Variants in METAP2 observed in about 807,000 individuals in gnomAD.
METAP2 encodes the protein methionine aminopeptidase 2.
METAP2 carries 25 observed loss-of-function variants against 59.4 expected under a neutral mutation model. That is an observed-to-expected ratio of 0.42 (90% confidence interval 0.31 to 0.59). METAP2 has a LOEUF of 0.59. Ranked by LOEUF, METAP2 falls within the 20% of genes least tolerant of loss-of-function variation. METAP2 has a pLI of 0.16. For missense variants in METAP2, 366 were observed against 581.2 expected (o/e 0.63, Z 3.81); for synonymous variants, 214 against 194.1 (o/e 1.10, Z -0.85).
At chr12:95,491,717 G>A (rs1380633131) in intron 4 of METAP2, among the ~76,000 whole-genome samples, 1 of 151,960 alleles carries the variant, frequency 6.6e-6, no homozygotes, top group Non-Finnish European at 1.5e-5. Context: ...TTTCTATGTT[G>A]CCCAGGCTGG....
At chr12:95,482,217 C>T in intron 2 of METAP2, 1 of 445,774 alleles carries the variant, frequency 2.2e-6, no homozygotes, top group Non-Finnish European at 4.5e-6. Flanking sequence ...TCAGGTGATC[C>T]TCCCACATCT....
intron 7 of METAP2, among the ~76,000 whole-genome samples, chr12:95,503,278 T>G (rs2076330398): frequency 6.6e-6 from 1 of 152,194 alleles, no homozygotes; most frequent in Admixed American, 6.5e-5. Flanking sequence ...CCACCTGAGG[T>G]GTGAACTTCA....
chr12:95,502,377 G>A (rs1342102165), intron 7 of METAP2, among the ~76,000 whole-genome samples: 1 of 152,054 alleles, frequency 6.6e-6, no homozygotes, highest in Admixed American at 6.6e-5. Context: ...TTTTCTTTTA[G>A]TTAGCACTTT....
intron 8 of METAP2, among the ~76,000 whole-genome samples, chr12:95,511,105 T>C (rs1320552100): frequency 6.6e-6 from 1 of 152,198 alleles, no homozygotes; most frequent in African/African-American, 2.4e-5. Flanking sequence ...ATTTTCTTTC[T>C]TCTTTCTTAC....
At chr12:95,481,065 T>A (rs2769471) in intron 2 of METAP2, among the ~76,000 whole-genome samples, 16,408 of 152,196 alleles carry the variant, frequency 0.11, 926 homozygotes, top group African/African-American at 0.12. Context: ...CTCTTTTTTT[T>A]AAAATATGAT....
chr12:95,490,442 C>A (rs551269192), intron 4 of METAP2, among the ~76,000 whole-genome samples: 2 of 151,478 alleles, frequency 1.3e-5, no homozygotes, highest in East Asian at 3.9e-4. Context: ...AAAGTATTAG[C>A]CAGTTTCTCA....
At chr12:95,476,359 A>AAAT (rs2076118533) in intron 2 of METAP2, among the ~76,000 whole-genome samples, 181 bp downstream of exon 2, 1 of 151,990 alleles carries the variant, frequency 6.6e-6, no homozygotes, top group African/African-American at 2.4e-5. Context: ...AGACAAAAAA[A>AAAT]AATTTAGCCG....
intron 4 of METAP2, among the ~76,000 whole-genome samples, chr12:95,491,548 T>C (rs182462340): frequency 1.3e-5 from 2 of 152,358 alleles, no homozygotes; most frequent in Admixed American, 1.3e-4. Context: ...CCTCATTCTG[T>C]CGCCCAGGCT....
chr12:95,474,155 A>T lies in METAP2; in HGVS notation c.-25A>T, dbSNP rs1242794274. The T allele has an allele frequency of 1.9e-6, 3 of 1,611,996 alleles. No individual in the cohort carries two copies. In the African/African-American group the frequency reaches 4.0e-5, roughly 22 times the overall value. ...ATCGGGGCCCTCGCCGCTCTGTCTC[A>T]TTCCCTCGCGCTCTCTCGGGCAACA... On this transcript the variant is annotated 5_prime_UTR_variant, in exon 1 of 11. Transcript: ENST00000323666.
At chr12:95,507,996 G>T (rs112835860) in intron 8 of METAP2, among the ~76,000 whole-genome samples, 2 of 149,052 alleles carry the variant, frequency 1.3e-5, no homozygotes, top group Non-Finnish European at 3.0e-5. Flanking sequence ...TTGGTCAGGC[G>T]GTCTTGAACT....
intron 7 of METAP2, among the ~76,000 whole-genome samples, chr12:95,502,812 C>CT (rs34804429): frequency 0.095 from 14,330 of 151,632 alleles, 713 homozygotes; most frequent in East Asian, 0.2. Flanking sequence ...TTTGCTGGTT[C>CT]TTTTTTTTGC....
chr12:95,498,484 G>A (rs1439061263), intron 7 of METAP2, among the ~76,000 whole-genome samples: 4 of 152,124 alleles, frequency 2.6e-5, no homozygotes, highest in African/African-American at 9.7e-5. Flanking sequence ...TGCCTTTGGT[G>A]TCATATCCAG....
At chr12:95,510,632 GAT>G (rs2076395537) in intron 8 of METAP2, among the ~76,000 whole-genome samples, 1 of 152,142 alleles carries the variant, frequency 6.6e-6, no homozygotes, top group African/African-American at 2.4e-5. Context: ...ACCTTTGGGG[GAT>G]ACATTCAAAC....
intron 4 of METAP2, among the ~76,000 whole-genome samples, chr12:95,491,736 T>A (rs1267304164): frequency 6.6e-6 from 1 of 152,028 alleles, no homozygotes; most frequent in Non-Finnish European, 1.5e-5. Flanking sequence ...GGTCTCGAAC[T>A]CCTGAACTCA....
intron 4 of METAP2, among the ~76,000 whole-genome samples, chr12:95,486,911 G>A (rs562161425): frequency 1.3e-5 from 2 of 152,312 alleles, no homozygotes; most frequent in South Asian, 4.1e-4. Flanking sequence ...ATTTAAAATG[G>A]TTAGCAGAAG....
intron 8 of METAP2, among the ~76,000 whole-genome samples, chr12:95,507,687 G>A (rs1297137201): frequency 6.6e-6 from 1 of 151,966 alleles, no homozygotes; most frequent in Non-Finnish European, 1.5e-5. Flanking sequence ...TACATACTCA[G>A]CCTTTCCCCT....
chr12:95,483,238 G>A lies in METAP2; in HGVS notation c.283G>A (p.Ala95Thr). 3 of 1,613,098 alleles carry A rather than the reference G, an allele frequency of 1.9e-6. No homozygotes were observed. Among genetic ancestry groups the A allele is most frequent in the Non-Finnish European group, 8.5e-7 (1 of 1,179,100 alleles). ...DEDGDGDGDGATGKKKKKKKK... is the reference protein window; with the variant it reads ...DEDGDGDGDGTTGKKKKKKKK... Reference sequence around the variant, plus strand: ...AGATGGAGATGGCGATGGAGATGGAGCAACTGGAAAGAAGAAGAAAAAGAA... The same window carrying A: ...AGATGGAGATGGCGATGGAGATGGAACAACTGGAAAGAAGAAGAAAAAGAA... Residue 95 changes from alanine to threonine, a missense_variant, in exon 3 of 11, where the codon GCA becomes ACA. By Grantham distance (58) the Ala-to-Thr change is moderately conservative. Transcript: ENST00000323666.
At chr12:95,503,051 G>A (rs551472380) in intron 7 of METAP2, among the ~76,000 whole-genome samples, 1 of 150,496 alleles carries the variant, frequency 6.6e-6, no homozygotes, top group African/African-American at 2.4e-5. Flanking sequence ...CTGCCATCAG[G>A]TGTTTTTTCA....
chr12:95,489,314 ATTAAATAAG>A (rs1215935477), intron 4 of METAP2, among the ~76,000 whole-genome samples: 2 of 152,214 alleles, frequency 1.3e-5, no homozygotes, highest in Non-Finnish European at 2.9e-5. Flanking sequence ...TTCTATTGAA[ATTAAATAAG>A]TAGAATAACT....
Sources: allele counts gnomAD v4.1 joint callset (sites outside exome capture counted in the v4.1 genomes callset), GRCh38; gene constraint gnomAD v4.1.1; transcripts MANE v1.5; gene names NCBI Gene and HGNC (gene_info 2026-07-23, HGNC 2026-07-21).